The following TMEM17 variants were observed in gnomAD, a reference collection of about 807,000 sequenced individuals.
The protein encoded by TMEM17 is transmembrane protein 17.
A neutral mutation model predicts 19.1 loss-of-function variants in TMEM17; 15 were observed. The ratio of observed to expected loss-of-function variants is 0.78; its 90% CI spans 0.52 to 1.21. The LOEUF (loss-of-function observed/expected upper bound fraction) is 1.21, where lower values mean the gene tolerates loss of function less well. TMEM17 is among the 50% of genes most tolerant of loss of function. The pLI is 0.00. For missense variants in TMEM17, 245 were observed against 242.3 expected (o/e 1.01, Z -0.07); for synonymous variants, 103 against 86.9 (o/e 1.19, Z -1.03).
the TMEM17 span, among the ~76,000 whole-genome samples, chr2:62,486,943 G>A: frequency 1.3e-5 from 2 of 152,198 alleles, no homozygotes; most frequent in East Asian, 3.9e-4. Flanking sequence ...GGGGGTAAAG[G>A]GGGTGATGTG....
the TMEM17 span, among the ~76,000 whole-genome samples, chr2:62,474,674 G>A: frequency 6.6e-6 from 1 of 152,092 alleles, no homozygotes; most frequent in East Asian, 1.9e-4. Flanking sequence ...AGCCCAGGGT[G>A]CCCTGGGGGC....
the TMEM17 span, among the ~76,000 whole-genome samples, chr2:62,469,724 T>C: frequency 6.6e-6 from 1 of 152,234 alleles, no homozygotes; most frequent in Admixed American, 6.5e-5. Context: ...GGCACATTCT[T>C]GGCTCCTGAG....
At chr2:62,496,339 T>C (rs12993270), downstream of TMEM17, among the ~76,000 whole-genome samples, 18,104 of 152,188 alleles carry the variant, frequency 0.12, 1,196 homozygotes, top group East Asian at 0.15. Context: ...ATCTGAGATA[T>C]GGAAAAAGCT....
the TMEM17 span, among the ~76,000 whole-genome samples, chr2:62,474,732 C>T: frequency 1.3e-5 from 2 of 152,086 alleles, no homozygotes; most frequent in African/African-American, 2.4e-5. Flanking sequence ...AATTCCACAT[C>T]CCAGGAAAAC....
downstream of TMEM17, among the ~76,000 whole-genome samples, chr2:62,496,461 A>G (rs1269925177): frequency 6.6e-6 from 1 of 152,268 alleles, no homozygotes; most frequent in Non-Finnish European, 1.5e-5. Flanking sequence ...ACTTGATGAA[A>G]TAACACACAA....
chr2:62,505,951 G>T, intron 1 of TMEM17, 79 bp downstream of exon 1: 2 of 1,339,684 alleles, frequency 1.5e-6, no homozygotes, highest in South Asian at 1.3e-5. Flanking sequence ...TTTTAGGTAC[G>T]GGCAAATTCT....
At chr2:62,454,483 A>G in the TMEM17 span, among the ~76,000 whole-genome samples, 7 of 152,310 alleles carry the variant, frequency 4.6e-5, no homozygotes, top group Non-Finnish European at 8.8e-5. Context: ...GCTGCGGTAC[A>G]GGATGGTAGG....
At chr2:62,477,428 T>G in the TMEM17 span, among the ~76,000 whole-genome samples, 27 of 152,114 alleles carry the variant, frequency 1.8e-4, no homozygotes, top group Admixed American at 1.7e-3. Context: ...CAGGGTTGTC[T>G]ATCTGATGGT....
the TMEM17 span, among the ~76,000 whole-genome samples, chr2:62,475,769 G>GT: frequency 2.0e-5 from 3 of 152,202 alleles, no homozygotes; most frequent in Non-Finnish European, 4.4e-5. Context: ...GGTTTTGTCT[G>GT]TTTTTTGAGG....
At chr2:62,484,358 G>A in the TMEM17 span, among the ~76,000 whole-genome samples, 5 of 152,146 alleles carry the variant, frequency 3.3e-5, no homozygotes, top group South Asian at 2.1e-4. Flanking sequence ...GAGCAGCTCC[G>A]ATTCCAGCTA....
At chr2:62,491,098 A>AAAC in the TMEM17 span, 2 of 150,742 alleles carry the variant, frequency 1.3e-5, no homozygotes, top group Admixed American at 6.7e-5. Flanking sequence ...AAAAAAAAAA[A>AAAC]AAAAAAACCT....
At chr2:62,456,054 G>A in the TMEM17 span, among the ~76,000 whole-genome samples, 1 of 152,204 alleles carries the variant, frequency 6.6e-6, no homozygotes, top group African/African-American at 2.4e-5. Context: ...GAGACAGAGA[G>A]ATGGTCAATT....
chr2:62,465,596 T>TA, the TMEM17 span, among the ~76,000 whole-genome samples: 28,725 of 144,842 alleles, frequency 0.2, 3,507 homozygotes, highest in African/African-American at 0.35. Context: ...TTGTCTATAT[T>TA]AAAAAAAAAA....
downstream of TMEM17, among the ~76,000 whole-genome samples, chr2:62,496,367 G>A (rs7588348): frequency 0.17 from 25,995 of 152,074 alleles, 2,975 homozygotes; most frequent in African/African-American, 0.33. Context: ...TGAGATGTTC[G>A]TTACAATGTT....
intron 3 of TMEM17, 22 bp downstream of exon 3, chr2:62,502,415 G>C (rs1679951808): frequency 6.7e-7 from 1 of 1,486,862 alleles, no homozygotes; most frequent in Non-Finnish European, 9.4e-7. Context: ...CTATCACTGA[G>C]AGAAAGGAAA....
At chr2:62,489,284 G>C in the TMEM17 span, among the ~76,000 whole-genome samples, 1 of 152,214 alleles carries the variant, frequency 6.6e-6, no homozygotes, top group South Asian at 2.1e-4. Context: ...TTGCCTGACT[G>C]CTCTTGGCCC....
the TMEM17 span, among the ~76,000 whole-genome samples, chr2:62,466,730 T>G: frequency 1.3e-5 from 2 of 152,210 alleles, no homozygotes; most frequent in African/African-American, 2.4e-5. Flanking sequence ...GGCTTTGCGC[T>G]GACCCCGCCC....
chr2:62,502,222 C>A (rs1170879409), intron 3 of TMEM17: 1 of 358,656 alleles, frequency 2.8e-6, no homozygotes, highest in Non-Finnish European at 5.1e-6. Flanking sequence ...TCACAACAAA[C>A]CTGTGAAGTA....
At chr2:62,464,857 T>C in the TMEM17 span, among the ~76,000 whole-genome samples, 1 of 152,026 alleles carries the variant, frequency 6.6e-6, no homozygotes, top group Non-Finnish European at 1.5e-5. Flanking sequence ...CTGAGTGGGG[T>C]AGATCAAGTG....
Sources: allele counts gnomAD v4.1 joint callset (sites outside exome capture counted in the v4.1 genomes callset), GRCh38; gene constraint gnomAD v4.1.1; transcripts MANE v1.5; gene names NCBI Gene and HGNC (gene_info 2026-07-23, HGNC 2026-07-21).